EVL: variants seen among roughly 807,000 people sequenced by gnomAD.
EVL encodes the protein ena/VASP-like protein.
In EVL, 21 loss-of-function variants were observed where a neutral mutation model predicts 59.6. The ratio of observed to expected loss-of-function variants is 0.35; its 90% CI spans 0.25 to 0.51. The LOEUF is 0.51. EVL is among the 20% of genes least tolerant of loss of function. EVL has a pLI of 0.97. For synonymous variants in EVL, 198 were observed against 203.5 expected, an observed-to-expected ratio of 0.97 and a Z score of 0.23; for missense variants, 462 against 546.6, an observed-to-expected ratio of 0.85 and a Z score of 1.54.
At chr14:100,070,324 A>C (rs1173994951) in intron 1 of EVL, among the ~76,000 whole-genome samples, 1 of 152,186 alleles carries the variant, frequency 6.6e-6, no homozygotes, top group Non-Finnish European at 1.5e-5. Context: ...CATTGTTGTC[A>C]CTTGACGGAG....
intron 1 of EVL, among the ~76,000 whole-genome samples, chr14:99,994,712 A>G (rs142825455): frequency 2.4e-4 from 37 of 152,296 alleles, no homozygotes; most frequent in East Asian, 1.5e-3. Flanking sequence ...ATAGGATTCT[A>G]TATTTGTCTA....
chr14:100,053,615 G>A (rs1307091272), intron 1 of EVL, among the ~76,000 whole-genome samples: 2 of 152,132 alleles, frequency 1.3e-5, no homozygotes, highest in Admixed American at 1.3e-4. Flanking sequence ...TTAAACCTTA[G>A]GCAATAAGAA....
chr14:100,027,264 C>T (rs1030879961), intron 1 of EVL, among the ~76,000 whole-genome samples: 1 of 152,178 alleles, frequency 6.6e-6, no homozygotes, highest in African/African-American at 2.4e-5. Flanking sequence ...ATTCCAATTA[C>T]ACTTTTTTAG....
chr14:100,015,219 A>T (rs1347697720), intron 1 of EVL, among the ~76,000 whole-genome samples: 1 of 152,256 alleles, frequency 6.6e-6, no homozygotes, highest in Non-Finnish European at 1.5e-5. Context: ...AATGAGATTC[A>T]GTACTAACAA....
At chr14:100,016,110 A>T (rs1365778231) in intron 1 of EVL, among the ~76,000 whole-genome samples, 2 of 151,834 alleles carry the variant, frequency 1.3e-5, no homozygotes, top group African/African-American at 2.4e-5. Flanking sequence ...ATTATTTATT[A>T]ATTTAAAAAT....
chr14:100,023,371 ATTTTTTTTT>A (rs1010647617), intron 1 of EVL, among the ~76,000 whole-genome samples: 1 of 90,772 alleles, frequency 1.1e-5, no homozygotes, highest in Non-Finnish European at 2.1e-5. Flanking sequence ...AGCCCGGCTA[ATTTTTTTTT>A]TTTTTTTTTT....
Position 100,054,271 on chromosome 14 carries a change from T to A in EVL, c.6-30416T>A, listed in dbSNP as rs1196275623. 7.9e-5 allele frequency among the ~76,000 whole-genome samples: 12 copies of A among 151,752 alleles called. No homozygotes were observed. The Middle Eastern group carries it at 0.01, about 130-fold the overall frequency. On this transcript the variant is annotated intron_variant, in intron 1 of 13. Coordinates refer to the EVL transcript ENST00000402714. ...GGTTTCACCATGTTGGCCAGGATGG[T>A]CTCGATCTTCTGACCTCATGATCTG...
intron 1 of EVL, among the ~76,000 whole-genome samples, chr14:100,051,395 C>T (rs915766473): frequency 1.3e-5 from 2 of 152,158 alleles, no homozygotes; most frequent in Non-Finnish European, 2.9e-5. Flanking sequence ...CACTGGGGGC[C>T]TTGGAACATA....
intron 1 of EVL, among the ~76,000 whole-genome samples, chr14:99,973,526 G>A (rs905699972): frequency 2.0e-5 from 3 of 152,184 alleles, no homozygotes; most frequent in East Asian, 1.9e-4. Context: ...GCAGTGGTGC[G>A]ATCTCGGCTC....
At chr14:100,134,857 G>A (rs1359403614) in intron 8 of EVL, 5 of 152,208 alleles carry the variant, frequency 3.3e-5, no homozygotes, top group African/African-American at 9.6e-5. Context: ...CAGACTGTGC[G>A]ACTGCCAGAG....
intron 12 of EVL, 94 bp from the exon 13 acceptor site, chr14:100,141,642 A>T: frequency 8.3e-7 from 1 of 1,201,742 alleles, no homozygotes; most frequent in Non-Finnish European, 1.2e-6. Flanking sequence ...GGAGAGGCCC[A>T]GGAGACCCCA....
In EVL at chr14:100,123,159, T is replaced by A. The variant is rs79960393; in HGVS notation, c.359-380T>A. 5.1e-3 allele frequency among the ~76,000 whole-genome samples: 776 copies of A among 152,264 alleles called. 2 individuals carry two copies. The highest frequency in any genetic ancestry group is 0.018 in the African/African-American group (740 of 41,538). ...TTCCCCGCTGATTTTAATTAGAACA[T>A]CCTGGTGGGATGTAAAGAGGCCAGA... On this transcript the variant is annotated intron_variant, in intron 3 of 13. Coordinates refer to ENST00000392920, the MANE Select transcript of EVL (RefSeq NM_016337.3).
intron 12 of EVL, 123 bp from the exon 13 acceptor site, chr14:100,141,612 AG>A: frequency 2.4e-6 from 2 of 846,464 alleles, no homozygotes; most frequent in Non-Finnish European, 3.6e-6. Context: ...CGAGGAGACA[AG>A]GGTGACAGAT....
chr14:100,062,206 GTA>G (rs762415775), upstream of EVL, among the ~76,000 whole-genome samples: 56 of 47,418 alleles, frequency 1.2e-3, no homozygotes, highest in African/African-American at 2.2e-3. Flanking sequence ...TCAGCTGTGT[GTA>G]TATATATATA....
At chr14:100,134,949 C>G (rs1319079078) in intron 8 of EVL, 1 of 152,226 alleles carries the variant, frequency 6.6e-6, no homozygotes, top group Non-Finnish European at 1.5e-5. Flanking sequence ...CATAACTTCC[C>G]TTTTAAGCAG....
At chr14:100,027,150 A>G (rs942215703) in intron 1 of EVL, among the ~76,000 whole-genome samples, 6 of 152,240 alleles carry the variant, frequency 3.9e-5, no homozygotes, top group Non-Finnish European at 1.5e-5. Context: ...TATGGGGTAC[A>G]TGTGATATTT....
intron 13 of EVL, 34 bp from the exon 14 acceptor site, chr14:100,143,667 G>A: frequency 6.3e-7 from 1 of 1,593,944 alleles, no homozygotes; most frequent in Non-Finnish European, 8.5e-7. Context: ...CACTGGTCAT[G>A]GCTGCACCTG....
rs1889374741 is a variant in EVL, at chr14:100,144,046, G to A, written c.*308G>A. ...CCTAAGTCACCTGCTTCATTAGACG[G>A]TTTCCAGGTTTTCTCCCAGGTGACG... On this transcript the variant is annotated 3_prime_UTR_variant, in exon 14 of 14. Coordinates refer to ENST00000392920, the MANE Select transcript of EVL (RefSeq NM_016337.3). 4.8e-6 allele frequency: 2 copies of A among 414,800 alleles called. No homozygotes were observed. Among genetic ancestry groups the A allele is most frequent in the South Asian group, 3.4e-5 (1 of 29,470 alleles). The allele number at this position is 414,800 out of a possible 1,614,324, so 25.7% of individuals were successfully genotyped here.
In EVL at chr14:99,990,705, C is replaced by T. The variant is rs189160820; in HGVS notation, c.5+18648C>T. Among the ~76,000 whole-genome samples, 258 of 152,116 alleles carry T rather than the reference C, an allele frequency of 1.7e-3. 1 individual carries two copies. The highest frequency in any genetic ancestry group is 6.0e-3 in the African/African-American group (250 of 41,516). ...TTTTTAAAGGCTGCAAAATATTATA[C>T]TCTATATATATATAGAGAGAGAGAT... is the stretch of plus-strand genomic sequence containing the variant. On this transcript the variant is annotated intron_variant, in intron 1 of 13. Coordinates refer to the EVL transcript ENST00000402714.
Sources: gnomAD v4.1 joint callset for allele counts (sites outside exome capture counted in the v4.1 genomes callset) on GRCh38, gnomAD v4.1.1 for gene constraint, MANE v1.5 for transcripts, NCBI Gene and HGNC (gene_info 2026-07-23, HGNC 2026-07-21) for gene names.